Variants in FAM135A observed in about 807,000 individuals in gnomAD.
FAM135A encodes family with sequence similarity 135 member A.
Under a neutral mutation model 146.8 loss-of-function variants are expected in FAM135A, and 79 were observed. The ratio of observed to expected loss-of-function variants is 0.54; its 90% CI spans 0.45 to 0.65. FAM135A has a LOEUF of 0.65. Ranked by LOEUF, FAM135A falls within the 30% of genes least tolerant of loss-of-function variation. FAM135A has a pLI of 0.00. For synonymous variants in FAM135A, 562 were observed against 603.6 expected (o/e 0.93, Z 1.01); for missense variants, 1,623 against 1,758.2 (o/e 0.92, Z 1.38).
rs529696442 is a variant in FAM135A at position 70,525,191 on chromosome 6, G to T, written c.2107G>T (p.Gly703Cys). ...CAACTTTGAGTCCTTAGAATCTAATGGTAAATCTAAATCTATAGAAATAAC... is the reference window on the plus strand; with the variant it reads ...CAACTTTGAGTCCTTAGAATCTAATTGTAAATCTAAATCTATAGAAATAAC... The part of the protein sequence containing the change: ...LPNFESLESN[G>C]KSKSIEITFE... Residue 703 changes from glycine (G) to cysteine (C), a missense_variant, in exon 15 of 22, where the codon GGT becomes TGT. Physicochemically the swap from Gly to Cys is radical, Grantham distance 159. Around this residue, in one of 7 missense-constraint regions of FAM135A, gnomAD observed 1,061 missense variants for 1,113.8 expected, o/e 0.95. Coordinates refer to ENST00000418814, the MANE Select transcript of FAM135A (RefSeq NM_001162529.3). 6.3e-7 allele frequency: 1 copy of T among 1,595,188 alleles called. No homozygotes were observed. Among genetic ancestry groups the T allele is most frequent in the South Asian group, 1.2e-5 (1 of 86,832 alleles).
intron 12 of FAM135A, among the ~76,000 whole-genome samples, chr6:70,507,508 T>C (rs1161087573): frequency 6.6e-6 from 1 of 152,130 alleles, no homozygotes; most frequent in Non-Finnish European, 1.5e-5. Context: ...TCTCTCCTTA[T>C]TGGTGTGAAA....
chr6:70,423,619 CAT>C (rs1264312391), intron 2 of FAM135A, among the ~76,000 whole-genome samples: 1 of 152,190 alleles, frequency 6.6e-6, no homozygotes. Context: ...GCAGATATTA[CAT>C]GTTTCACTTC....
intron 11 of FAM135A, among the ~76,000 whole-genome samples, chr6:70,492,196 A>G (rs1001650412): frequency 6.6e-6 from 1 of 151,898 alleles, no homozygotes; most frequent in Non-Finnish European, 1.5e-5. Context: ...GAATAAAAAG[A>G]CAAGTCAGAG....
intron 12 of FAM135A, among the ~76,000 whole-genome samples, chr6:70,521,031 A>C (rs1793454212): frequency 6.6e-6 from 1 of 152,254 alleles, no homozygotes; most frequent in Non-Finnish European, 1.5e-5. Context: ...CCAAATAATT[A>C]ACCTCTTTGT....
rs758463508 is a variant in FAM135A, at chr6:70,559,815, A to G, written c.4442A>G (p.Asn1481Ser). 3.7e-6 allele frequency: 6 copies of G among 1,614,130 alleles called. No homozygotes were observed. In the African/African-American group the frequency reaches 5.3e-5, roughly 14 times the overall value. The change falls in exon 22 of 22, where the codon AAT becomes AGT. Residue 1481 changes from asparagine to serine, a missense_variant. Asn to Ser is a conservative substitution (Grantham distance 46). This residue lies in a region of FAM135A where 138 missense variants were observed against 174.1 expected (regional missense o/e 0.79). Transcript: ENST00000418814. Reference protein sequence around the residue: ...VRYNVINALPNTADSLIGRAA... With the variant: ...VRYNVINALPSTADSLIGRAA... ...TATAATGTCATCAATGCATTGCCCA[A>G]TACAGCTGATTCACTCATTGGGAGA... is the stretch of plus-strand genomic sequence containing the variant.
At chr6:70,554,626 T>G (rs1041810826) in intron 20 of FAM135A, among the ~76,000 whole-genome samples, 1 of 151,336 alleles carries the variant, frequency 6.6e-6, no homozygotes, top group Non-Finnish European at 1.5e-5. Context: ...TTTTGGGGGG[T>G]TTTTTTGGTT....
At chr6:70,543,204 GT>G (rs1562014205) in intron 20 of FAM135A, among the ~76,000 whole-genome samples, 1 of 152,108 alleles carries the variant, frequency 6.6e-6, no homozygotes, top group African/African-American at 2.4e-5. Context: ...TCAGCGACTG[GT>G]AGTTCCAAGT....
intron 20 of FAM135A, among the ~76,000 whole-genome samples, chr6:70,540,110 C>T (rs1797594278): frequency 6.6e-6 from 1 of 152,164 alleles, no homozygotes; most frequent in Non-Finnish European, 1.5e-5. Context: ...TTTGATGAGT[C>T]AACCCTTTAG....
At chr6:70,465,105 C>T (rs760068424) in intron 5 of FAM135A, among the ~76,000 whole-genome samples, 20 of 152,020 alleles carry the variant, frequency 1.3e-4, no homozygotes, top group Non-Finnish European at 2.6e-4. Context: ...GCTTTATATA[C>T]CTCATATAAG....
chr6:70,456,497 A>G (rs556427472), intron 5 of FAM135A, among the ~76,000 whole-genome samples: 1 of 152,348 alleles, frequency 6.6e-6, no homozygotes, highest in Admixed American at 6.5e-5. Flanking sequence ...CTTGGTTATT[A>G]CAAATCAATT....
In FAM135A at chr6:70,534,312, C is replaced by CTTTTTTTT. The variant is rs1179072858; in HGVS notation, c.3965+476_3965+483dup. Among the ~76,000 whole-genome samples the CTTTTTTTT allele has an allele frequency of 1.1e-4, 10 of 89,844 alleles. 1 individual carries two copies. Among genetic ancestry groups the CTTTTTTTT allele is most frequent in the African/African-American group, 3.8e-4 (8 of 20,934 alleles). The allele number at this position is 89,844 out of a possible 152,430, so 58.9% of individuals were successfully genotyped here. Reference sequence around the variant, plus strand: ...CAAAAATACTTTCAAAGTTTGTATACTTTTTTTTTTTTTTTTTTTTTTTTT... The same window carrying CTTTTTTTT: ...CAAAAATACTTTCAAAGTTTGTATACTTTTTTTTTTTTTTTTTTTTTTTTTTTTTTTTT... On this transcript the variant is annotated intron_variant, in intron 18 of 21. Coordinates refer to ENST00000418814, the MANE Select transcript of FAM135A (RefSeq NM_001162529.3).
In FAM135A at chr6:70,559,730, G is replaced by C; in HGVS notation, c.4357G>C (p.Glu1453Gln). 1.9e-6 allele frequency: 3 copies of C among 1,613,970 alleles called. No homozygotes were observed. Among genetic ancestry groups the C allele is most frequent in the Non-Finnish European group, 2.5e-6 (3 of 1,179,974 alleles). ...KDKQSGQIYS[E>Q]MIHNLLRPVL... Reference sequence around the variant, plus strand: ...TGGTTCCATAGGACAGATCTATTCAGAAATGATCCACAACTTGCTTCGACC... The same window carrying C: ...TGGTTCCATAGGACAGATCTATTCACAAATGATCCACAACTTGCTTCGACC... The change falls in exon 22 of 22, where the codon GAA (glutamate) becomes CAA (glutamine). Residue 1453 changes from glutamate (E) to glutamine (Q), a missense_variant. By Grantham distance (29) the Glu-to-Gln change is conservative (BLOSUM62 2). Around this residue, in one of 7 missense-constraint regions of FAM135A, gnomAD observed 138 missense variants for 174.1 expected, o/e 0.79. Coordinates refer to ENST00000418814, the MANE Select transcript of FAM135A (RefSeq NM_001162529.3).
intron 5 of FAM135A, among the ~76,000 whole-genome samples, chr6:70,459,162 C>T (rs1043779469): frequency 1.3e-5 from 2 of 151,884 alleles, no homozygotes; most frequent in African/African-American, 4.8e-5. Flanking sequence ...CTTTTTATTA[C>T]CTGCTCTATT....
chr6:70,553,700 A>AAAAAG (rs200835400), intron 20 of FAM135A, among the ~76,000 whole-genome samples: 2 of 151,924 alleles, frequency 1.3e-5, no homozygotes, highest in Admixed American at 6.5e-5. Flanking sequence ...TTTTTTAAAA[A>AAAAAG]GAAGCAGATA....
At chr6:70,485,901 C>T (rs1784532619) in intron 10 of FAM135A, among the ~76,000 whole-genome samples, 1 of 152,184 alleles carries the variant, frequency 6.6e-6, no homozygotes, top group African/African-American at 2.4e-5. Context: ...AGGGAGTTAA[C>T]TCTGAGATCC....
intron 4 of FAM135A, among the ~76,000 whole-genome samples, chr6:70,430,316 A>G (rs1739331): frequency 0.85 from 129,571 of 151,734 alleles, 55,932 homozygotes; most frequent in African/African-American, 0.95. Flanking sequence ...CAGCCTGGGT[A>G]ACAGAGTGAG....
At chr6:70,482,705 A>G (rs1445341001) in intron 10 of FAM135A, among the ~76,000 whole-genome samples, 1 of 152,272 alleles carries the variant, frequency 6.6e-6, no homozygotes, top group East Asian at 1.9e-4. Flanking sequence ...ATACCTGTAT[A>G]TATTTGTAGT....
At position 70,491,094 on chromosome 6, in the gene FAM135A, T is replaced by A. The variant is rs1355016798; in HGVS notation, c.873+11T>A. Reference sequence around the variant, plus strand: ...TGTGAAGAAGTTAAGGTACTTGGATTTTTTAAATTCACATCATCAAGTTAT... The same window carrying A: ...TGTGAAGAAGTTAAGGTACTTGGATATTTTAAATTCACATCATCAAGTTAT... On this transcript the variant is annotated intron_variant, in intron 11 of 21. Transcript: ENST00000418814. 1 of 1,592,632 alleles carries A rather than the reference T, an allele frequency of 6.3e-7. No homozygotes were observed. The highest frequency in any genetic ancestry group is 8.5e-7 in the Non-Finnish European group (1 of 1,170,098).
At chr6:70,465,340 A>G (rs1582318359) in intron 5 of FAM135A, among the ~76,000 whole-genome samples, 1 of 152,140 alleles carries the variant, frequency 6.6e-6, no homozygotes, top group Non-Finnish European at 1.5e-5. Context: ...TGAGTGTGCA[A>G]ACATCTCTTT....
Sources: gnomAD v4.1 joint callset for allele counts (sites outside exome capture counted in the v4.1 genomes callset) on GRCh38, gnomAD v4.1.1 for gene constraint, gnomAD v4.1.1 regional missense constraint, MANE v1.5 for transcripts, NCBI Gene and HGNC (gene_info 2026-07-23, HGNC 2026-07-21) for gene names.